The following DTD1 variants were observed in gnomAD, a reference collection of about 807,000 sequenced individuals.
DTD1 encodes D-aminoacyl-tRNA deacylase 1, also known as D-tyrosyl-tRNA deacylase 1 homolog.
DTD1 carries 13 observed loss-of-function variants against 25.6 expected under a neutral mutation model. The observed-to-expected ratio is 0.51, with a 90% CI of 0.33 to 0.81. DTD1 has a LOEUF of 0.81. Among genes scored for constraint, DTD1 ranks in the 30% least tolerant of loss-of-function variants. The pLI is 0.02. For synonymous variants in DTD1, 110 were observed against 103.6 expected (o/e 1.06, Z -0.37); for missense variants, 193 against 266.4 (o/e 0.72, Z 1.92).
At chr20:18,598,172 G>A (rs963116821) in intron 3 of DTD1, among the ~76,000 whole-genome samples, 1 of 150,684 alleles carries the variant, frequency 6.6e-6, no homozygotes. Context: ...AACAGGTCCC[G>A]GTGTGTCCAT....
intron 4 of DTD1, chr20:18,631,022 A>G (rs2060785483): frequency 1.0e-6 from 1 of 980,172 alleles, no homozygotes. Context: ...TCTACCAGAT[A>G]CCTCCATGTT....
chr20:18,615,292 C>G (rs2060704867), intron 3 of DTD1, among the ~76,000 whole-genome samples: 5 of 152,224 alleles, frequency 3.3e-5, no homozygotes, highest in African/African-American at 1.2e-4. Flanking sequence ...TAGAACTTTC[C>G]TCATTTCATG....
intron 4 of DTD1, among the ~76,000 whole-genome samples, chr20:18,714,620 G>A (rs1227933810): frequency 6.6e-6 from 1 of 152,180 alleles, no homozygotes; most frequent in Non-Finnish European, 1.5e-5. Flanking sequence ...GTCTCCTGCA[G>A]TGCTGCTTGG....
At chr20:18,664,068 A>G (rs1174840404) in intron 4 of DTD1, among the ~76,000 whole-genome samples, 1 of 152,216 alleles carries the variant, frequency 6.6e-6, no homozygotes, top group Non-Finnish European at 1.5e-5. Context: ...TTAGGTGTGT[A>G]GTGGGCTTTA....
At chr20:18,758,423 C>T (rs1600226604) in intron 5 of DTD1, among the ~76,000 whole-genome samples, 3 of 152,064 alleles carry the variant, frequency 2.0e-5, no homozygotes, top group Admixed American at 2.0e-4. Flanking sequence ...GTATAAATTT[C>T]CCTCTACACA....
chr20:18,708,696 A>G (rs780743391), intron 4 of DTD1, among the ~76,000 whole-genome samples: 2 of 151,840 alleles, frequency 1.3e-5, no homozygotes, highest in African/African-American at 4.8e-5. Context: ...CCATTTTTAT[A>G]CTTACCTCCT....
intron 4 of DTD1, among the ~76,000 whole-genome samples, chr20:18,725,707 C>T (rs1422377425): frequency 6.6e-6 from 1 of 152,200 alleles, no homozygotes; most frequent in South Asian, 2.1e-4. Flanking sequence ...CCAAGTCACC[C>T]TCTGCTTACA....
chr20:18,603,736 G>T (rs1207376097), intron 3 of DTD1, among the ~76,000 whole-genome samples: 1 of 132,360 alleles, frequency 7.6e-6, no homozygotes, highest in Non-Finnish European at 1.6e-5. Context: ...CGAGAACAAA[G>T]ACACAATATA....
chr20:18,663,683 A>ACCCG (rs2060920339), intron 4 of DTD1, among the ~76,000 whole-genome samples: 1 of 152,104 alleles, frequency 6.6e-6, no homozygotes, highest in Admixed American at 6.5e-5. Context: ...AGAAATACCC[A>ACCCG]AGACTGGTTA....
chr20:18,745,272 T>C (rs527766271), intron 5 of DTD1, among the ~76,000 whole-genome samples: 173 of 152,264 alleles, frequency 1.1e-3, no homozygotes, highest in Non-Finnish European at 1.9e-3. Flanking sequence ...GGAGTCCACC[T>C]CCCTGCCTGA....
At chr20:18,680,821 A>T (rs935101828) in intron 4 of DTD1, among the ~76,000 whole-genome samples, 3 of 152,162 alleles carry the variant, frequency 2.0e-5, no homozygotes, top group Admixed American at 1.3e-4. Context: ...CTCAGAGTAG[A>T]TGACGGGTTA....
chr20:18,695,957 C>T (rs906209434), intron 4 of DTD1, among the ~76,000 whole-genome samples: 4 of 152,076 alleles, frequency 2.6e-5, no homozygotes, highest in African/African-American at 9.7e-5. Flanking sequence ...GGATTATAGG[C>T]GTGAGCCACT....
intron 4 of DTD1, among the ~76,000 whole-genome samples, chr20:18,647,554 A>G (rs918782348): frequency 6.6e-5 from 10 of 152,152 alleles, no homozygotes; most frequent in African/African-American, 2.4e-4. Context: ...AGGGTGGTGC[A>G]TGCCCAGAAG....
chr20:18,670,710 C>A (rs1050253885), intron 4 of DTD1, among the ~76,000 whole-genome samples: 1 of 152,216 alleles, frequency 6.6e-6, no homozygotes, highest in Non-Finnish European at 1.5e-5. Context: ...TTCTCCTGCT[C>A]ACATCCAATC....
intron 4 of DTD1, among the ~76,000 whole-genome samples, chr20:18,717,772 C>T (rs2061186944): frequency 3.9e-5 from 6 of 152,128 alleles, no homozygotes; most frequent in Admixed American, 3.9e-4. Context: ...ACTGTCCCCT[C>T]AGAAAACTTA....
At chr20:18,590,398 A>G (rs1006999968) in intron 1 of DTD1, among the ~76,000 whole-genome samples, 13 of 135,740 alleles carry the variant, frequency 9.6e-5, no homozygotes, top group African/African-American at 3.3e-4. Flanking sequence ...GTGATTGGTC[A>G]AACACATTTT....
intron 3 of DTD1, among the ~76,000 whole-genome samples, chr20:18,611,708 C>A (rs2060687177): frequency 6.6e-6 from 1 of 152,140 alleles, no homozygotes; most frequent in Non-Finnish European, 1.5e-5. Context: ...CATGTGCCCA[C>A]AGCAGGCCGG....
chr20:18,718,203 A>G (rs2328330), intron 4 of DTD1, among the ~76,000 whole-genome samples: 52,892 of 152,198 alleles, frequency 0.35, 9,524 homozygotes, highest in Non-Finnish European at 0.4. Flanking sequence ...TTTATTAAAG[A>G]TATTTATTTT....
chr20:18,757,597 C>CAGCCTTGCGTCCCAGGGATGAA (rs1456316544), intron 5 of DTD1, among the ~76,000 whole-genome samples: 1 of 152,150 alleles, frequency 6.6e-6, no homozygotes, highest in Non-Finnish European at 1.5e-5. Flanking sequence ...TTTGTTGAAC[C>CAGCCTTGCGTCCCAGGGATGAA]AGCCTTGCGT....
Sources: gnomAD v4.1 joint callset for allele counts (sites outside exome capture counted in the v4.1 genomes callset) on GRCh38, gnomAD v4.1.1 for gene constraint, MANE v1.5 for transcripts, NCBI Gene and HGNC (gene_info 2026-07-23, HGNC 2026-07-21) for gene names.